TBC1D15: variants seen among roughly 807,000 people sequenced by gnomAD.
The protein encoded by TBC1D15 is GAP for RAB7.
TBC1D15 carries 39 observed loss-of-function variants against 95.4 expected under a neutral mutation model. The ratio of observed to expected loss-of-function variants is 0.41; its 90% CI spans 0.32 to 0.53. The LOEUF (loss-of-function observed/expected upper bound fraction) is 0.53, where lower values mean the gene tolerates loss of function less well. TBC1D15 is among the 20% of genes least tolerant of loss of function. The pLI, the probability that TBC1D15 is intolerant of heterozygous loss-of-function variation, is 0.29. For missense variants in TBC1D15, 733 were observed against 794.3 expected, an observed-to-expected ratio of 0.92 and a Z score of 0.93; for synonymous variants, 258 against 261.3, an observed-to-expected ratio of 0.99 and a Z score of 0.12.
Position 71,912,029 on chromosome 12 carries a change from T to C in TBC1D15, c.1301-1797T>C, listed in dbSNP as rs78271924. ...ATAGCACACTTTGAAATATTTCTGA[T>C]GTAGATCATACACAGTCAGGCTCAG... is the stretch of plus-strand genomic sequence containing the variant. On this transcript the variant is annotated intron_variant, in intron 11 of 16. Transcript: ENST00000485960. Among the ~76,000 whole-genome samples, 1,480 of 152,274 alleles carry C rather than the reference T, an allele frequency of 9.7e-3. 31 individuals are homozygous for C. Among genetic ancestry groups the C allele is most frequent in the African/African-American group, 0.033 (1,384 of 41,562 alleles).
Position 71,913,933 on chromosome 12 carries a change from A to T in TBC1D15, c.1401+7A>T. 6.4e-7 allele frequency: 1 copy of T among 1,569,050 alleles called. No individual in the cohort carries two copies. Among genetic ancestry groups the T allele is most frequent in the Non-Finnish European group, 8.6e-7 (1 of 1,156,914 alleles). Reference sequence around the variant, plus strand: ...CTCTTACATGGACCAAATGGTAAGAACAGAGATTCCTTCCATTAAACTGAT... The same window carrying T: ...CTCTTACATGGACCAAATGGTAAGATCAGAGATTCCTTCCATTAAACTGAT... On this transcript the variant is annotated splice_region_variant and intron_variant, in intron 12 of 16. Coordinates refer to ENST00000485960, the MANE Select transcript of TBC1D15 (RefSeq NM_001146213.3).
chr12:71,888,354 T>C (rs1896629748), intron 5 of TBC1D15, among the ~76,000 whole-genome samples: 1 of 151,784 alleles, frequency 6.6e-6, no homozygotes, highest in Admixed American at 6.6e-5. Context: ...TAATCCCAGC[T>C]ACTCGGGAGG....
chr12:71,882,584 T>C (rs770081129), intron 4 of TBC1D15, among the ~76,000 whole-genome samples: 32 of 152,238 alleles, frequency 2.1e-4, no homozygotes, highest in Non-Finnish European at 4.1e-4. Flanking sequence ...TAGAAAGATA[T>C]TTTGAATTCA....
At chr12:71,844,309 C>T (rs1243260847) in intron 1 of TBC1D15, among the ~76,000 whole-genome samples, 5 of 152,198 alleles carry the variant, frequency 3.3e-5, no homozygotes, top group African/African-American at 1.2e-4. Flanking sequence ...TTTAGCATGG[C>T]TTATGCAGCC....
At chr12:71,867,778 C>T (rs1430389365) in intron 1 of TBC1D15, among the ~76,000 whole-genome samples, 1 of 152,110 alleles carries the variant, frequency 6.6e-6, no homozygotes, top group Non-Finnish European at 1.5e-5. Context: ...CGTGAGCCAC[C>T]GTACCCAGCC....
intron 1 of TBC1D15, among the ~76,000 whole-genome samples, chr12:71,842,830 CAAAAA>C (rs58842371): frequency 5.9e-5 from 5 of 84,840 alleles, no homozygotes; most frequent in Non-Finnish European, 1.3e-4. Context: ...GACCCTGTCT[CAAAAA>C]AAAAAAAAAA....
At chr12:71,866,300 G>A (rs1215797584) in intron 1 of TBC1D15, among the ~76,000 whole-genome samples, 1 of 152,218 alleles carries the variant, frequency 6.6e-6, no homozygotes, top group East Asian at 1.9e-4. Flanking sequence ...GACAGATGCG[G>A]TATCTTCTCC....
chr12:71,858,402 A>T (rs1476020439), intron 1 of TBC1D15, among the ~76,000 whole-genome samples: 1 of 151,284 alleles, frequency 6.6e-6, no homozygotes, highest in Non-Finnish European at 1.5e-5. Context: ...TCATCTGTTG[A>T]TGGACTCTTA....
At chr12:71,850,769 G>A (rs1462106501) in intron 1 of TBC1D15, among the ~76,000 whole-genome samples, 2 of 151,960 alleles carry the variant, frequency 1.3e-5, no homozygotes, top group African/African-American at 4.8e-5. Context: ...TGGGTGGATC[G>A]TGAGGTCAGG....
At chr12:71,884,700 A>G (rs1301052347) in intron 4 of TBC1D15, 111 bp from the exon 5 acceptor site, 2 of 868,074 alleles carry the variant, frequency 2.3e-6, no homozygotes, top group Non-Finnish European at 3.7e-6. Flanking sequence ...TATAAGTGCT[A>G]TACTGATTCC....
In TBC1D15 at chr12:71,878,246, G is replaced by A. The variant is rs556321677; in HGVS notation, c.205-2223G>A. Among the ~76,000 whole-genome samples the A allele has an allele frequency of 6.0e-5, 9 of 150,150 alleles. No individual in the cohort carries two copies. In the South Asian group the frequency reaches 1.5e-3, roughly 25 times the overall value. On this transcript the variant is annotated intron_variant, in intron 3 of 16. Transcript: ENST00000485960. ...TATTATTCCTTTGCTCATTGTGTTT[G>A]ATTTTTCCTAATTTAGAGATAAATG...
intron 3 of TBC1D15, among the ~76,000 whole-genome samples, chr12:71,879,044 A>G (rs1894577209): frequency 6.6e-6 from 1 of 152,080 alleles, no homozygotes; most frequent in African/African-American, 2.4e-5. Flanking sequence ...CTATTGACAC[A>G]TGAATACAAT....
chr12:71,898,768 C>G (rs1027008812), intron 10 of TBC1D15, among the ~76,000 whole-genome samples: 1 of 152,054 alleles, frequency 6.6e-6, no homozygotes, highest in South Asian at 2.1e-4. Flanking sequence ...TGTTAACACC[C>G]TCCCATGAAA....
intron 5 of TBC1D15, among the ~76,000 whole-genome samples, chr12:71,892,631 A>G (rs1897388084): frequency 6.6e-6 from 1 of 151,840 alleles, no homozygotes; most frequent in Non-Finnish European, 1.5e-5. Context: ...TTACCCAACC[A>G]TTCATAATAA....
At position 71,923,118 on chromosome 12, in the gene TBC1D15, C is replaced by T; in HGVS notation, c.1939C>T (p.Pro647Ser). The change falls in exon 17 of 17, where the codon CCT becomes TCT. Residue 647 changes from proline (P) to serine (S), a missense_variant. Coordinates refer to ENST00000485960, the MANE Select transcript of TBC1D15 (RefSeq NM_001146213.3). ...ATCTGCATTTCAAAGTAATGCCTTG[C>T]CTACACTCTCTGCCAGTGGAGCCAG... ...PTSAFQSNAL[P>S]TLSASGARND... 1 of 1,614,152 alleles carries T rather than the reference C, an allele frequency of 6.2e-7. No individual in the cohort carries two copies. The highest frequency in any genetic ancestry group is 8.5e-7 in the Non-Finnish European group (1 of 1,180,018).
chr12:71,884,376 T>G lies in TBC1D15; in HGVS notation c.344-435T>G, dbSNP rs139356343. Among the ~76,000 whole-genome samples, 540 of 152,272 alleles carry G rather than the reference T, an allele frequency of 3.5e-3. 3 individuals carry two copies. The highest frequency in any genetic ancestry group is 0.013 in the African/African-American group (523 of 41,564). On this transcript the variant is annotated intron_variant, in intron 4 of 16. Coordinates refer to ENST00000485960, the MANE Select transcript of TBC1D15 (RefSeq NM_001146213.3). ...CTTGCACTAGTTAGTTGAAAAGTAT[T>G]ATCTCCTAATTCTTATTAATAGAAT... is the stretch of plus-strand genomic sequence containing the variant.
At chr12:71,885,394 CAAGTCCT>C (rs1307642046) in intron 5 of TBC1D15, among the ~76,000 whole-genome samples, 1 of 152,162 alleles carries the variant, frequency 6.6e-6, no homozygotes, top group Non-Finnish European at 1.5e-5. Context: ...TTAAGTCAGG[CAAGTCCT>C]AAGTCCTTTA....
intron 1 of TBC1D15, among the ~76,000 whole-genome samples, chr12:71,870,088 G>T (rs1892339212): frequency 6.6e-6 from 1 of 152,030 alleles, no homozygotes; most frequent in Non-Finnish European, 1.5e-5. Context: ...ATATATACAT[G>T]ATGATTTTTC....
chr12:71,852,540 A>G (rs1328627110), intron 1 of TBC1D15, among the ~76,000 whole-genome samples: 2 of 152,176 alleles, frequency 1.3e-5, no homozygotes, highest in African/African-American at 4.8e-5. Context: ...CTTACCTTTT[A>G]AATATAAGTT....
Sources: allele counts gnomAD v4.1 joint callset (sites outside exome capture counted in the v4.1 genomes callset), GRCh38; gene constraint gnomAD v4.1.1; transcripts MANE v1.5; gene names NCBI Gene and HGNC (gene_info 2026-07-23, HGNC 2026-07-21).